The following R3HDM2 variants were observed in gnomAD, a reference collection of about 807,000 sequenced individuals.
R3HDM2 encodes R3H domain containing 2, also known as R3H domain-containing protein 2.
Under a neutral mutation model 124.5 loss-of-function variants are expected in R3HDM2, and 38 were observed. The ratio of observed to expected loss-of-function variants is 0.31; its 90% CI spans 0.24 to 0.40. The LOEUF is 0.40. Among genes scored for constraint, R3HDM2 ranks in the 10% least tolerant of loss-of-function variants. The pLI is 1.00. For synonymous variants in R3HDM2, 391 were observed against 448.0 expected, an observed-to-expected ratio of 0.87 and a Z score of 1.61; for missense variants, 869 against 1,236.9, an observed-to-expected ratio of 0.70 and a Z score of 4.46.
chr12:57,411,477 AT>A (rs1373646045), intron 1 of R3HDM2, among the ~76,000 whole-genome samples: 1 of 152,194 alleles, frequency 6.6e-6, no homozygotes, highest in Non-Finnish European at 1.5e-5. Flanking sequence ...AATTGTAACT[AT>A]TTCAAAGGAA....
At chr12:57,332,055 G>C (rs994329750) in intron 2 of R3HDM2, among the ~76,000 whole-genome samples, 5 of 151,816 alleles carry the variant, frequency 3.3e-5, no homozygotes, top group Non-Finnish European at 7.4e-5. Context: ...TTGGATTCCA[G>C]CCTGGACCAC....
chr12:57,316,751 A>G (rs1566114370), intron 2 of R3HDM2, among the ~76,000 whole-genome samples: 1 of 132,670 alleles, frequency 7.5e-6, no homozygotes, highest in African/African-American at 2.8e-5. Flanking sequence ...ACGCCCAGCT[A>G]TTTTTTTTTT....
chr12:57,340,857 G>A (rs184534814), intron 2 of R3HDM2, among the ~76,000 whole-genome samples: 1 of 151,662 alleles, frequency 6.6e-6, no homozygotes. Context: ...GTATTAAAAT[G>A]GAATTGCATG....
intron 1 of R3HDM2, among the ~76,000 whole-genome samples, chr12:57,400,259 AATG>A (rs1402870434): frequency 6.6e-6 from 1 of 152,196 alleles, no homozygotes; most frequent in Admixed American, 6.6e-5. Flanking sequence ...GCCATAAAAA[AATG>A]ATGAGTTCAT....
chr12:57,343,382 T>C (rs1299280445), intron 2 of R3HDM2, among the ~76,000 whole-genome samples: 4 of 151,672 alleles, frequency 2.6e-5, no homozygotes, highest in Non-Finnish European at 4.4e-5. Flanking sequence ...AGAGACAGGG[T>C]TTCTCCAGGC....
chr12:57,343,842 G>A (rs2059843127), intron 2 of R3HDM2, among the ~76,000 whole-genome samples: 1 of 151,040 alleles, frequency 6.6e-6, no homozygotes, highest in Non-Finnish European at 1.5e-5. Context: ...TTGGAAGGCT[G>A]ATCCCGCAGG....
At chr12:57,304,361 T>C (rs1592999331) in intron 3 of R3HDM2, 1 of 273,880 alleles carries the variant, frequency 3.7e-6, no homozygotes, top group Non-Finnish European at 5.6e-6. Flanking sequence ...GGGTTATATA[T>C]GGGGATGAGG....
intron 1 of R3HDM2, among the ~76,000 whole-genome samples, chr12:57,400,547 C>T (rs1222347408): frequency 9.2e-5 from 14 of 152,028 alleles, no homozygotes; most frequent in Admixed American, 7.9e-4. Context: ...CAAACCCGCA[C>T]GTTGTGCACA....
At chr12:57,373,957 G>A (rs1274750903) in intron 2 of R3HDM2, among the ~76,000 whole-genome samples, 5 of 151,524 alleles carry the variant, frequency 3.3e-5, no homozygotes, top group African/African-American at 9.7e-5. Flanking sequence ...GTGAAACCCC[G>A]CCTCTACTAA....
chr12:57,269,246 A>G (rs983191322), intron 16 of R3HDM2, 77 bp downstream of exon 16: 9 of 1,580,442 alleles, frequency 5.7e-6, no homozygotes, highest in Non-Finnish European at 6.9e-6. Context: ...CTTCATTTTA[A>G]TGGAGAAGGT....
In R3HDM2 at chr12:57,296,110, C is replaced by T. The variant is rs1218480153; in HGVS notation, c.701+301G>A. Among the ~76,000 whole-genome samples the T allele has an allele frequency of 6.6e-6, 1 of 152,164 alleles. No individual in the cohort carries two copies. The highest frequency in any genetic ancestry group is 1.5e-5 in the Non-Finnish European group (1 of 68,018). On this transcript the variant is annotated intron_variant, in intron 9 of 23. Coordinates refer to ENST00000402412, the MANE Select transcript of R3HDM2 (RefSeq NM_001394031.1). The surrounding 1 kb of genome is among the most constrained non-coding windows in gnomAD (Gnocchi z 4.5). The stretch of plus-strand genomic sequence containing the variant: ...GTCTTGAACTCCTGACCTTATGATC[C>T]ACCCGCCTCGGCCTCCCAAAGTGCT...
At chr12:57,384,451 C>T (rs1264491096) in intron 2 of R3HDM2, among the ~76,000 whole-genome samples, 1 of 151,928 alleles carries the variant, frequency 6.6e-6, no homozygotes, top group Non-Finnish European at 1.5e-5. Context: ...TCTCAGTTTC[C>T]TCATCTATAA....
intron 1 of R3HDM2, chr12:57,430,500 G>GCCGCCCTCCGCCCCGCGCC: frequency 3.4e-6 from 1 of 295,400 alleles, no homozygotes; most frequent in Non-Finnish European, 4.9e-6. Flanking sequence ...CCCCCGCACC[G>GCCGCCCTCCGCCCCGCGCC]CCGCCCTCCG....
intron 11 of R3HDM2, among the ~76,000 whole-genome samples, chr12:57,292,368 A>G (rs2138404575): frequency 6.6e-6 from 1 of 152,372 alleles, no homozygotes; most frequent in Middle Eastern, 3.4e-3. Flanking sequence ...GGCAGAATGT[A>G]TTGAAAACAA....
chr12:57,279,925 G>T (rs941006654), intron 14 of R3HDM2, among the ~76,000 whole-genome samples: 1 of 151,998 alleles, frequency 6.6e-6, no homozygotes, highest in Non-Finnish European at 1.5e-5. Context: ...TCTTTTTTCC[G>T]CAAACCCCAA....
rs1248643898 is a variant in R3HDM2 at position 57,256,433 on chromosome 12, G to T, written c.2528C>A (p.Ser843Ter). The change falls in exon 22 of 24, where the codon TCA becomes TAA. Residue 843 changes from serine (S) to a stop codon, truncating the protein, a stop_gained. Transcript: ENST00000402412. LOFTEE classifies it high-confidence loss of function. ...CCTTACCTGGTGCACCGTGTAAGTT[G>T]ACTGGCCATGGAGCAAGGGAGGGCA... Reference protein sequence around the residue: ...SICPPLLHGQSTYTVHQGQSG... With the variant: ...SICPPLLHGQ 3 of 1,594,326 alleles carry T rather than the reference G, an allele frequency of 1.9e-6. No homozygotes were observed. Among genetic ancestry groups the T allele is most frequent in the South Asian group, 1.1e-5 (1 of 87,726 alleles).
chr12:57,387,368 C>T (rs962166888), intron 2 of R3HDM2, among the ~76,000 whole-genome samples: 2 of 152,236 alleles, frequency 1.3e-5, no homozygotes, highest in South Asian at 2.1e-4. Context: ...ACTCCGAACA[C>T]ATCCGAGCAT....
chr12:57,403,140 G>C (rs767055583), intron 1 of R3HDM2, among the ~76,000 whole-genome samples: 7 of 151,932 alleles, frequency 4.6e-5, no homozygotes, highest in Non-Finnish European at 1.0e-4. Flanking sequence ...TGGATCACCT[G>C]AGGTTAGGAG....
At chr12:57,298,223 T>G (rs1012457756) in intron 6 of R3HDM2, 55 bp from the exon 7 acceptor site, 1 of 1,339,212 alleles carries the variant, frequency 7.5e-7, no homozygotes, top group Non-Finnish European at 1.0e-6. Context: ...TTGCATGCTA[T>G]CTAATCCTAA....
Sources: allele counts gnomAD v4.1 joint callset (sites outside exome capture counted in the v4.1 genomes callset), GRCh38; gene constraint gnomAD v4.1.1; non-coding constraint Gnocchi (gnomAD v3.1); transcripts MANE v1.5; gene names NCBI Gene and HGNC (gene_info 2026-07-23, HGNC 2026-07-21).